C2orf66: variants seen among roughly 807,000 people sequenced by gnomAD.
The protein encoded by C2orf66 is uncharacterized protein C2orf66.
C2orf66 carries 6 observed loss-of-function variants against 7.0 expected under a neutral mutation model. That is an observed-to-expected ratio of 0.86 (90% confidence interval 0.47 to 1.69). The LOEUF (loss-of-function observed/expected upper bound fraction) is 1.69. Among genes scored for constraint, C2orf66 ranks in the 40% most tolerant of loss-of-function variants. The pLI is 0.01. For synonymous variants in C2orf66, 38 were observed against 43.8 expected (o/e 0.87, Z 0.52); for missense variants, 107 against 112.0 (o/e 0.96, Z 0.20).
the C2orf66 span, among the ~76,000 whole-genome samples, chr2:196,831,423 C>T: frequency 6.6e-6 from 1 of 152,172 alleles, no homozygotes. Context: ...ACCTCTGCTG[C>T]CTCCTGAATA....
upstream of C2orf66, chr2:196,809,419 A>G: frequency 6.4e-7 from 1 of 1,573,120 alleles, no homozygotes; most frequent in Non-Finnish European, 8.7e-7. Context: ...AGAGAGAGAA[A>G]GAGGAAACAT....
the C2orf66 span, among the ~76,000 whole-genome samples, chr2:196,815,143 CT>C: frequency 1.3e-5 from 2 of 149,734 alleles, no homozygotes; most frequent in Non-Finnish European, 3.0e-5. Flanking sequence ...TTTTTTTTTT[CT>C]TTTTTTGTAG....
chr2:196,809,167 G>C, intron 1 of C2orf66, 47 bp downstream of exon 1: 1 of 1,556,170 alleles, frequency 6.4e-7, no homozygotes, highest in Non-Finnish European at 8.8e-7. Context: ...TAAATCCAAA[G>C]AGGCATTAGT....
At chr2:196,828,230 TCACACACACACACACACACACA>T in the C2orf66 span, among the ~76,000 whole-genome samples, 7 of 125,060 alleles carry the variant, frequency 5.6e-5, no homozygotes, top group Admixed American at 4.1e-4. Context: ...TCTCTCTCTC[TCACACACACACACACACACACA>T]CACACACACA....
intron 2 of C2orf66, among the ~76,000 whole-genome samples, chr2:196,806,807 G>C (rs951734645): frequency 6.6e-6 from 1 of 151,996 alleles, no homozygotes; most frequent in Non-Finnish European, 1.5e-5. Flanking sequence ...AGTGAGCCAA[G>C]ATCACACCAT....
At chr2:196,816,048 G>A in the C2orf66 span, among the ~76,000 whole-genome samples, 1 of 152,138 alleles carries the variant, frequency 6.6e-6, no homozygotes, top group Non-Finnish European at 1.5e-5. Context: ...TTTTGTGTGT[G>A]ACAGCAACAG....
At chr2:196,806,085 C>A (rs1001542711) in intron 2 of C2orf66, among the ~76,000 whole-genome samples, 7 of 152,196 alleles carry the variant, frequency 4.6e-5, no homozygotes, top group African/African-American at 1.4e-4. Context: ...TTCAAAATTA[C>A]ACTTGTGGGA....
At chr2:196,826,116 C>CT in the C2orf66 span, among the ~76,000 whole-genome samples, 63 of 152,298 alleles carry the variant, frequency 4.1e-4, no homozygotes, top group African/African-American at 1.4e-3. Context: ...ACTGACACTT[C>CT]TACTCCTTTG....
chr2:196,816,399 TTAAGTG>T, the C2orf66 span, among the ~76,000 whole-genome samples: 2 of 152,234 alleles, frequency 1.3e-5, no homozygotes, highest in Admixed American at 1.3e-4. Flanking sequence ...AGCATCTATA[TTAAGTG>T]TAAGTATAAA....
the C2orf66 span, among the ~76,000 whole-genome samples, chr2:196,825,873 C>T: frequency 6.6e-6 from 1 of 152,210 alleles, no homozygotes; most frequent in Non-Finnish European, 1.5e-5. Context: ...AATTCTACAG[C>T]ATACAGGAAG....
At chr2:196,826,074 G>T in the C2orf66 span, among the ~76,000 whole-genome samples, 4 of 152,082 alleles carry the variant, frequency 2.6e-5, no homozygotes, top group African/African-American at 9.7e-5. Flanking sequence ...ACCAGTAATG[G>T]AAGCACAAAC....
At chr2:196,826,437 G>T in the C2orf66 span, among the ~76,000 whole-genome samples, 3 of 152,108 alleles carry the variant, frequency 2.0e-5, no homozygotes, top group Non-Finnish European at 2.9e-5. Context: ...AGTCTGAGAT[G>T]ATTTTCCAAA....
the C2orf66 span, among the ~76,000 whole-genome samples, chr2:196,816,944 G>A: frequency 6.6e-6 from 1 of 152,148 alleles, no homozygotes; most frequent in African/African-American, 2.4e-5. Flanking sequence ...GCTGCTGGGG[G>A]TGACATCACA....
At chr2:196,812,863 C>A (rs1699889579), upstream of C2orf66, among the ~76,000 whole-genome samples, 1 of 152,152 alleles carries the variant, frequency 6.6e-6, no homozygotes, top group African/African-American at 2.4e-5. Context: ...TATTGGAATA[C>A]AACTTATAAG....
chr2:196,826,953 C>T, the C2orf66 span, among the ~76,000 whole-genome samples: 16 of 152,168 alleles, frequency 1.1e-4, no homozygotes, highest in African/African-American at 3.6e-4. Context: ...ATCGCTTGAA[C>T]CCGGTAGACG....
the C2orf66 span, among the ~76,000 whole-genome samples, chr2:196,821,000 C>T: frequency 8.7e-4 from 133 of 152,286 alleles, no homozygotes; most frequent in South Asian, 2.5e-3. Flanking sequence ...GGTATGCCCT[C>T]AAAGCAATCA....
the C2orf66 span, among the ~76,000 whole-genome samples, chr2:196,827,698 T>C: frequency 6.6e-6 from 1 of 152,234 alleles, no homozygotes; most frequent in Non-Finnish European, 1.5e-5. Context: ...TCATTCTAGC[T>C]GGATTTATTT....
intron 2 of C2orf66, 38 bp downstream of exon 2, chr2:196,807,386 A>G: frequency 8.6e-7 from 1 of 1,165,794 alleles, no homozygotes; most frequent in Non-Finnish European, 1.2e-6. Context: ...GCTGACTTGT[A>G]TGTTTGGACA....
At chr2:196,815,007 C>A in the C2orf66 span, among the ~76,000 whole-genome samples, 2 of 152,152 alleles carry the variant, frequency 1.3e-5, no homozygotes, top group African/African-American at 4.8e-5. Context: ...CTCTGCCACC[C>A]AGGCTGGAGT....
Sources: gnomAD v4.1 joint callset for allele counts (sites outside exome capture counted in the v4.1 genomes callset) on GRCh38, gnomAD v4.1.1 for gene constraint, MANE v1.5 for transcripts, NCBI Gene and HGNC (gene_info 2026-07-23, HGNC 2026-07-21) for gene names.